The following KDM4A variants were observed in gnomAD, a reference collection of about 807,000 sequenced individuals.
The protein encoded by KDM4A is lysine-specific demethylase 4A.
In KDM4A, 23 loss-of-function variants were observed where a neutral mutation model predicts 127.1. The ratio of observed to expected loss-of-function variants is 0.18; its 90% CI spans 0.13 to 0.26. The LOEUF (loss-of-function observed/expected upper bound fraction) is 0.26. Among genes scored for constraint, KDM4A ranks in the 10% least tolerant of loss-of-function variants. The pLI is 1.00. For missense variants in KDM4A, 890 were observed against 1,329.1 expected (o/e 0.67, Z 5.14); for synonymous variants, 443 against 466.5 (o/e 0.95, Z 0.65).
intron 4 of KDM4A, among the ~76,000 whole-genome samples, chr1:43,661,051 C>T (rs944369936): frequency 5.3e-5 from 8 of 151,586 alleles, no homozygotes; most frequent in African/African-American, 1.2e-4. Flanking sequence ...CTCAGCTTAC[C>T]GCAACCTCCG....
At chr1:43,699,606 T>C (rs528457160) in intron 19 of KDM4A, among the ~76,000 whole-genome samples, 1 of 152,304 alleles carries the variant, frequency 6.6e-6, no homozygotes, top group African/African-American at 2.4e-5. Flanking sequence ...TTTATTCTTA[T>C]TAGAAATTAA....
At position 43,704,667 on chromosome 1, in the gene KDM4A, T is replaced by G. The variant is rs1661502799; in HGVS notation, c.*297T>G. On this transcript the variant is annotated 3_prime_UTR_variant, in exon 22 of 22. Coordinates refer to ENST00000372396, the MANE Select transcript of KDM4A (RefSeq NM_014663.3). ...GAGGGGTCAACTATGCTGGCTGGAC[T>G]GGCTGCCTTGTTCCTGGCCTAGGAC... is the stretch of plus-strand genomic sequence containing the variant. 2.6e-6 allele frequency: 1 copy of G among 387,784 alleles called. No homozygotes were observed. The highest frequency in any genetic ancestry group is 4.7e-6 in the Non-Finnish European group (1 of 213,148). 24.0% of individuals were successfully genotyped at this position (387,784 alleles called of 1,614,324 possible).
intron 11 of KDM4A, 61 bp downstream of exon 11, chr1:43,671,936 G>A: frequency 6.7e-7 from 1 of 1,497,800 alleles, no homozygotes; most frequent in Non-Finnish European, 8.9e-7. Flanking sequence ...CCTGTCGGGA[G>A]GGGATCTGTG....
At chr1:43,662,854 T>C in intron 4 of KDM4A, 40 bp from the exon 5 acceptor site, 1 of 1,549,992 alleles carries the variant, frequency 6.5e-7, no homozygotes, top group Non-Finnish European at 8.8e-7. Flanking sequence ...TCGGTTTCTA[T>C]GCAAATGTAA....
intron 1 of KDM4A, among the ~76,000 whole-genome samples, chr1:43,651,266 C>G (rs1302728154): frequency 6.6e-6 from 1 of 152,196 alleles, no homozygotes; most frequent in African/African-American, 2.4e-5. Flanking sequence ...TGGAGCTGCC[C>G]TTGCAGAGGA....
rs1660618136 is a variant in KDM4A at position 43,671,575 on chromosome 1, G to T, written c.1434G>T (p.Glu478Asp). 1 of 1,608,094 alleles carries T rather than the reference G, an allele frequency of 6.2e-7. No individual in the cohort carries two copies. Among genetic ancestry groups the T allele is most frequent in the African/African-American group, 1.3e-5 (1 of 74,492 alleles). Residue 478 changes from glutamate to aspartate, a missense_variant, in exon 11 of 22, where the codon GAG becomes GAT. By Grantham distance (45) the Glu-to-Asp change is conservative. Around this residue, in one of 7 missense-constraint regions of KDM4A, gnomAD observed 389 missense variants for 485.9 expected, o/e 0.80. Transcript: ENST00000372396. ...KNVKLEEEDE[E>D]EEQAAAALDL... ...TCAAACTAGAAGAGGAGGATGAGGA[G>T]GAAGAACAAGCAGCAGCTGCCTTGG...
At chr1:43,654,614 C>T (rs1660193870) in intron 2 of KDM4A, among the ~76,000 whole-genome samples, 1 of 151,634 alleles carries the variant, frequency 6.6e-6, no homozygotes, top group African/African-American at 2.4e-5. Context: ...AAACAGAATG[C>T]TATTGGAAGG....
intron 4 of KDM4A, 84 bp from the exon 5 acceptor site, chr1:43,662,810 C>A: frequency 8.4e-7 from 1 of 1,186,578 alleles, no homozygotes; most frequent in Non-Finnish European, 1.2e-6. Context: ...TGACAGCTTA[C>A]TTGTGACCTA....
Position 43,694,887 on chromosome 1 carries a change from A to G in KDM4A, c.2663A>G (p.Asn888Ser), listed in dbSNP as rs374602437. The G allele has an allele frequency of 4.4e-6, 7 of 1,593,262 alleles. No individual in the cohort carries two copies. Among genetic ancestry groups the G allele is most frequent in the Non-Finnish European group, 6.0e-6 (7 of 1,162,388 alleles). Residue 888 changes from asparagine to serine, a missense_variant, in exon 18 of 22, where the codon AAT (asparagine) becomes AGT (serine). Physicochemically the swap from Asn to Ser is conservative, Grantham distance 46. Coordinates refer to ENST00000372396, the MANE Select transcript of KDM4A (RefSeq NM_014663.3). The surrounding 1 kb of genome is among the most constrained non-coding windows in gnomAD (Gnocchi z 5.2). ...FITCFRHKIP[N>S]LERAKGALQS... ...ACCTGCTTTCGGCACAAGATTCCTA[A>G]TTTGGAGGTGAGAGAGGGTGTCATT... is the stretch of plus-strand genomic sequence containing the variant.
In KDM4A at chr1:43,667,843, C is replaced by T. The variant is rs1329443636; in HGVS notation, c.987C>T (p.Tyr329=). 3 of 1,614,148 alleles carry T rather than the reference C, an allele frequency of 1.9e-6. No homozygotes were observed. Among genetic ancestry groups the T allele is most frequent in the Admixed American group, 3.3e-5 (2 of 60,020 alleles). ...VFVRKFQPER[Y]KLWKAGKDNT... Reference sequence around the variant, plus strand: ...TGAGAAAGTTCCAGCCAGAAAGGTACAAACTTTGGAAAGCTGGGAAGGACA... The same window carrying T: ...TGAGAAAGTTCCAGCCAGAAAGGTATAAACTTTGGAAAGCTGGGAAGGACA... Residue 329 remains tyrosine, a synonymous_variant, in exon 9 of 22, where the codon TAC becomes TAT. Transcript: ENST00000372396.
intron 12 of KDM4A, among the ~76,000 whole-genome samples, chr1:43,687,745 A>G (rs941783560): frequency 1.3e-5 from 2 of 152,194 alleles, no homozygotes; most frequent in Admixed American, 6.5e-5. Context: ...TCACTGATTT[A>G]GGAAGAACTG....
At chr1:43,667,668 C>T in intron 8 of KDM4A, 104 bp from the exon 9 acceptor site, 2 of 1,458,478 alleles carry the variant, frequency 1.4e-6, no homozygotes, top group Non-Finnish European at 1.9e-6. Context: ...TGGTTATAAA[C>T]CATCTTGCAC....
intron 19 of KDM4A, among the ~76,000 whole-genome samples, chr1:43,700,986 G>A (rs181890986): frequency 1.3e-5 from 2 of 150,952 alleles, no homozygotes; most frequent in African/African-American, 2.4e-5. Flanking sequence ...GCAGTGGTGC[G>A]TTCTTGGCTC....
intron 3 of KDM4A, among the ~76,000 whole-genome samples, chr1:43,656,329 G>GGT (rs1660237607): frequency 9.2e-5 from 5 of 54,152 alleles, no homozygotes; most frequent in Non-Finnish European, 1.6e-4. Context: ...TCTGCTGTTG[G>GGT]TTTTTTTTTT....
chr1:43,703,409 TTG>T, intron 19 of KDM4A: 7 of 424,358 alleles, frequency 1.6e-5, no homozygotes, highest in Non-Finnish European at 2.5e-5. Flanking sequence ...TTTTTTTTTT[TTG>T]GTCACCTAGA....
intron 11 of KDM4A, among the ~76,000 whole-genome samples, chr1:43,674,482 G>A (rs887528136): frequency 6.6e-6 from 1 of 151,308 alleles, no homozygotes; most frequent in African/African-American, 2.4e-5. Flanking sequence ...ATTGAAGAAA[G>A]TGACTTTTAA....
intron 19 of KDM4A, among the ~76,000 whole-genome samples, chr1:43,702,950 GA>G (rs1661440393): frequency 6.6e-6 from 1 of 151,806 alleles, no homozygotes; most frequent in African/African-American, 2.4e-5. Context: ...AGGATTGCTA[GA>G]ACCCAGGAGG....
At chr1:43,668,416 C>T (rs888783995) in intron 9 of KDM4A, among the ~76,000 whole-genome samples, 5 of 152,262 alleles carry the variant, frequency 3.3e-5, no homozygotes, top group Non-Finnish European at 2.9e-5. Context: ...TGAGCCACCG[C>T]GCCCGGCCGA....
At chr1:43,656,486 C>T (rs891920633) in intron 3 of KDM4A, among the ~76,000 whole-genome samples, 15 of 151,308 alleles carry the variant, frequency 9.9e-5, no homozygotes, top group African/African-American at 2.7e-4. Flanking sequence ...TACAGGCACG[C>T]GCCACCATGC....
Sources: allele counts gnomAD v4.1 joint callset (sites outside exome capture counted in the v4.1 genomes callset), GRCh38; gene constraint gnomAD v4.1.1; regional missense constraint gnomAD v4.1.1; non-coding constraint Gnocchi (gnomAD v3.1); transcripts MANE v1.5; gene names NCBI Gene and HGNC (gene_info 2026-07-23, HGNC 2026-07-21).